The following KDM2A variants were observed in gnomAD, a reference collection of about 807,000 sequenced individuals.
KDM2A encodes the protein lysine demethylase 2A.
Under a neutral mutation model 137.3 loss-of-function variants are expected in KDM2A, and 3 were observed. The ratio of observed to expected loss-of-function variants is 0.02; its 90% CI spans 0.01 to 0.06. KDM2A has a LOEUF of 0.06. KDM2A is among the 10% of genes least tolerant of loss of function. The probability of loss-of-function intolerance (pLI) is 1.00; values close to 1 mark genes in which losing one functional copy is unlikely to be tolerated. For synonymous variants in KDM2A, 512 were observed against 541.5 expected, an observed-to-expected ratio of 0.95 and a Z score of 0.76; for missense variants, 738 against 1,510.6, an observed-to-expected ratio of 0.49 and a Z score of 8.48.
At chr11:67,252,213 AT>A (rs1859450029) in intron 17 of KDM2A, 1 of 172,358 alleles carries the variant, frequency 5.8e-6, no homozygotes, top group African/African-American at 2.4e-5. Flanking sequence ...GGCAGGGTGA[AT>A]TGTGGATGTG....
At chr11:67,219,250 G>T in intron 9 of KDM2A, 38 bp from the exon 10 acceptor site, 1 of 1,028,216 alleles carries the variant, frequency 9.7e-7, no homozygotes, top group Non-Finnish European at 1.4e-6. Context: ...ACTGTAATGT[G>T]TGTTTTCAGC....
intron 2 of KDM2A, among the ~76,000 whole-genome samples, chr11:67,152,437 T>G (rs1266432254): frequency 6.6e-6 from 1 of 151,430 alleles, no homozygotes; most frequent in Non-Finnish European, 1.5e-5. Context: ...AGACCTCATC[T>G]CTACAAAAAA....
At chr11:67,178,465 A>G (rs149711191) in intron 2 of KDM2A, among the ~76,000 whole-genome samples, 186 of 152,332 alleles carry the variant, frequency 1.2e-3, no homozygotes, top group African/African-American at 4.1e-3. Flanking sequence ...TCACAGGGTC[A>G]TACAAATACC....
intron 12 of KDM2A, among the ~76,000 whole-genome samples, chr11:67,235,808 C>T (rs1217362135): frequency 6.6e-6 from 1 of 151,668 alleles, no homozygotes; most frequent in Admixed American, 6.6e-5. Context: ...TTAGTAGAGA[C>T]GGGGTTTCAC....
At chr11:67,218,976 T>C (rs1858251863) in intron 9 of KDM2A, among the ~76,000 whole-genome samples, 1 of 152,214 alleles carries the variant, frequency 6.6e-6, no homozygotes, top group Non-Finnish European at 1.5e-5. Context: ...AGCCAAAAGA[T>C]TGGACACCCC....
chr11:67,186,980 A>G lies in KDM2A; in HGVS notation c.307+5088A>G, dbSNP rs183843941. Among the ~76,000 whole-genome samples, 7 of 152,340 alleles carry G rather than the reference A, an allele frequency of 4.6e-5. No homozygotes were observed. In the East Asian group the frequency reaches 1.2e-3, roughly 25 times the overall value. On this transcript the variant is annotated intron_variant, in intron 5 of 20. Coordinates refer to ENST00000529006, the MANE Select transcript of KDM2A (RefSeq NM_012308.3). ...CTAATAACTAATAGGGGCACAGTAT[A>G]TAAGGATGTGGTTTTGTGACATCAG...
intron 5 of KDM2A, among the ~76,000 whole-genome samples, chr11:67,206,256 C>T (rs575065756): frequency 3.3e-5 from 5 of 152,260 alleles, no homozygotes; most frequent in East Asian, 1.9e-4. Flanking sequence ...CATGGCAAAA[C>T]GCTGACTTTA....
At chr11:67,224,828 A>ATTTTTTTTTTT (rs764581976) in intron 10 of KDM2A, among the ~76,000 whole-genome samples, 2 of 66,300 alleles carry the variant, frequency 3.0e-5, no homozygotes, top group African/African-American at 1.7e-4. Context: ...CAGCTGCAGC[A>ATTTTTTTTTTT]TTTTTTTTTT....
intron 17 of KDM2A, among the ~76,000 whole-genome samples, chr11:67,251,946 G>T (rs530204933): frequency 6.6e-6 from 1 of 152,304 alleles, no homozygotes; most frequent in Non-Finnish European, 1.5e-5. Context: ...TCAGATTCCC[G>T]TTATGTGCTG....
chr11:67,169,048 G>A (rs796879533), intron 2 of KDM2A, among the ~76,000 whole-genome samples: 26 of 150,388 alleles, frequency 1.7e-4, no homozygotes, highest in African/African-American at 6.4e-4. Flanking sequence ...CTCTGCTGCC[G>A]GGGTTCAAGC....
At chr11:67,253,304 T>C in intron 18 of KDM2A, 149 bp from the exon 19 acceptor site, 1 of 716,212 alleles carries the variant, frequency 1.4e-6, no homozygotes, top group Non-Finnish European at 2.4e-6. Flanking sequence ...TAGGATACCA[T>C]GGAAATCTTT....
intron 5 of KDM2A, among the ~76,000 whole-genome samples, chr11:67,192,014 A>T (rs1317081621): frequency 2.0e-5 from 3 of 152,244 alleles, no homozygotes; most frequent in South Asian, 2.1e-4. Context: ...AAATATACAT[A>T]AAATTACGGA....
At chr11:67,232,075 A>G (rs187794782) in intron 12 of KDM2A, 115 bp downstream of exon 12, 1 of 947,594 alleles carries the variant, frequency 1.1e-6, no homozygotes, top group East Asian at 2.4e-5. Context: ...GTCAGAGAGA[A>G]GTTAATATGC....
At chr11:67,215,491 C>T in intron 7 of KDM2A, 45 bp downstream of exon 7, 1 of 1,257,784 alleles carries the variant, frequency 8.0e-7, no homozygotes, top group Non-Finnish European at 1.2e-6. Flanking sequence ...TGTGGGAGAC[C>T]AAAGCAATAG....
chr11:67,203,020 A>T (rs1053108438), intron 5 of KDM2A, among the ~76,000 whole-genome samples: 30 of 151,070 alleles, frequency 2.0e-4, no homozygotes, highest in Non-Finnish European at 4.0e-4. Context: ...AAAAAAAAAG[A>T]AAAACGGTTT....
intron 2 of KDM2A, among the ~76,000 whole-genome samples, chr11:67,133,356 C>T (rs1855897809): frequency 6.6e-6 from 1 of 152,024 alleles, no homozygotes; most frequent in South Asian, 2.1e-4. Flanking sequence ...CCCGCCTTGG[C>T]CTCCCAAAGG....
In KDM2A at chr11:67,255,226, A is replaced by G. The variant is rs899518536; in HGVS notation, c.*171A>G. On this transcript the variant is annotated 3_prime_UTR_variant, in exon 21 of 21. Coordinates refer to ENST00000529006, the MANE Select transcript of KDM2A (RefSeq NM_012308.3). ...TGGGGCAGAGAGGGTGGTGGACACC[A>G]GGCTTATCTGCCTGCTCCTCTCCCT... 3 of 620,310 alleles carry G rather than the reference A, an allele frequency of 4.8e-6. No homozygotes were observed. Among genetic ancestry groups the G allele is most frequent in the Non-Finnish European group, 8.5e-6 (3 of 353,494 alleles). The allele number at this position is 620,310 out of a possible 1,614,324, so 38.4% of individuals were successfully genotyped here.
At chr11:67,207,827 G>A in intron 6 of KDM2A, 139 bp downstream of exon 6, 1 of 567,676 alleles carries the variant, frequency 1.8e-6, no homozygotes. Context: ...GAGTTTGAGA[G>A]CAGCCGGGGC....
At chr11:67,179,829 T>G (rs1361401627) in intron 2 of KDM2A, among the ~76,000 whole-genome samples, 7 of 152,198 alleles carry the variant, frequency 4.6e-5, no homozygotes, top group Non-Finnish European at 4.4e-5. Context: ...ATTGTGAATT[T>G]ATATCTCTAG....
Sources: gnomAD v4.1 joint callset for allele counts (sites outside exome capture counted in the v4.1 genomes callset) on GRCh38, gnomAD v4.1.1 for gene constraint, MANE v1.5 for transcripts, NCBI Gene and HGNC (gene_info 2026-07-23, HGNC 2026-07-21) for gene names.